The following CDH13 variants were observed in gnomAD, a reference collection of about 807,000 sequenced individuals.
CDH13 encodes cadherin-13.
A neutral mutation model predicts 63.8 loss-of-function variants in CDH13; 24 were observed. The ratio of observed to expected loss-of-function variants is 0.38; its 90% confidence interval spans 0.27 to 0.53. The LOEUF (loss-of-function observed/expected upper bound fraction) is 0.53. CDH13 is among the 20% of genes least tolerant of loss of function. The pLI is 0.85. For missense variants in CDH13, 1,049 were observed against 903.1 expected (o/e 1.16, Z -2.07); for synonymous variants, 503 against 355.3 (o/e 1.42, Z -4.67).
chr16:83,087,799 C>G (rs1329684977), intron 3 of CDH13, among the ~76,000 whole-genome samples: 3 of 151,324 alleles, frequency 2.0e-5, no homozygotes, highest in Admixed American at 1.3e-4. Flanking sequence ...ACACTTCAGT[C>G]CATTTATTAT....
intron 13 of CDH13, among the ~76,000 whole-genome samples, chr16:83,785,707 A>G (rs1319707535): frequency 6.6e-6 from 1 of 152,098 alleles, no homozygotes; most frequent in Non-Finnish European, 1.5e-5. Context: ...ATGGTGGTGG[A>G]TCTCAAGTCT....
chr16:82,635,366 G>A (rs550377233), intron 1 of CDH13, among the ~76,000 whole-genome samples: 1 of 152,350 alleles, frequency 6.6e-6, no homozygotes, highest in African/African-American at 2.4e-5. Flanking sequence ...GAGGGTGTGG[G>A]TGGGGAAAGG....
At chr16:82,779,503 A>T (rs1317978867) in intron 1 of CDH13, among the ~76,000 whole-genome samples, 1 of 152,184 alleles carries the variant, frequency 6.6e-6, no homozygotes, top group Admixed American at 6.5e-5. Flanking sequence ...GTTGTGCAAA[A>T]AAGAGGGTCT....
intron 6 of CDH13, among the ~76,000 whole-genome samples, chr16:83,469,971 T>A (rs12597141): frequency 0.47 from 71,527 of 152,092 alleles, 17,581 homozygotes; most frequent in East Asian, 0.83. Flanking sequence ...CACCTTTGTT[T>A]ATGCAGTTTT....
chr16:83,308,510 T>G (rs965256067), intron 5 of CDH13, among the ~76,000 whole-genome samples: 1 of 152,206 alleles, frequency 6.6e-6, no homozygotes, highest in African/African-American at 2.4e-5. Flanking sequence ...GAGTAGGAAT[T>G]TTTCAGTATA....
At chr16:83,764,943 A>T (rs1323942599) in intron 11 of CDH13, among the ~76,000 whole-genome samples, 1 of 152,164 alleles carries the variant, frequency 6.6e-6, no homozygotes, top group East Asian at 1.9e-4. Context: ...ACTTCTCACA[A>T]AATAGCCACA....
At chr16:83,786,546 T>G (rs2432564) in intron 13 of CDH13, among the ~76,000 whole-genome samples, 1 of 151,566 alleles carries the variant, frequency 6.6e-6, no homozygotes. Context: ...TTTTTTCTTC[T>G]TTCCTTTGTC....
At chr16:82,972,363 C>T (rs756824083) in intron 2 of CDH13, among the ~76,000 whole-genome samples, 1 of 152,154 alleles carries the variant, frequency 6.6e-6, no homozygotes, top group African/African-American at 2.4e-5. Flanking sequence ...GAAAACATTT[C>T]CTTTTGTTCA....
intron 3 of CDH13, among the ~76,000 whole-genome samples, chr16:83,036,733 G>T (rs1040087820): frequency 6.6e-6 from 1 of 152,066 alleles, no homozygotes. Context: ...CTTCTTCCCA[G>T]CCCTTTGGTT....
chr16:82,634,214 G>A (rs2150872307), intron 1 of CDH13, among the ~76,000 whole-genome samples: 1 of 152,360 alleles, frequency 6.6e-6, no homozygotes, highest in East Asian at 1.9e-4. Flanking sequence ...AGGAGCCTGG[G>A]GAATGGAAGG....
At chr16:82,849,191 C>T (rs1032356934) in intron 1 of CDH13, among the ~76,000 whole-genome samples, 9 of 152,112 alleles carry the variant, frequency 5.9e-5, no homozygotes, top group African/African-American at 2.2e-4. Flanking sequence ...AGTAAAGAAA[C>T]GATCCCTATA....
At chr16:82,770,967 G>C (rs2035240304) in intron 1 of CDH13, among the ~76,000 whole-genome samples, 1 of 152,172 alleles carries the variant, frequency 6.6e-6, no homozygotes, top group African/African-American at 2.4e-5. Context: ...CCCCCGCTTC[G>C]GCCTCCCAAA....
intron 1 of CDH13, among the ~76,000 whole-genome samples, chr16:82,668,154 G>A (rs1912824370): frequency 6.6e-6 from 1 of 152,126 alleles, no homozygotes; most frequent in African/African-American, 2.4e-5. Context: ...GCAGGAGGCA[G>A]CATACAGACC....
intron 4 of CDH13, among the ~76,000 whole-genome samples, chr16:83,146,280 A>C (rs1182766812): frequency 6.6e-6 from 1 of 152,074 alleles, no homozygotes; most frequent in Non-Finnish European, 1.5e-5. Flanking sequence ...AGGTGGAGGG[A>C]TAGCAACTGC....
At chr16:82,775,374 A>G (rs1158011715) in intron 1 of CDH13, among the ~76,000 whole-genome samples, 1 of 152,226 alleles carries the variant, frequency 6.6e-6, no homozygotes, top group Non-Finnish European at 1.5e-5. Context: ...TACCAGCTGT[A>G]TGTATGAGCA....
intron 5 of CDH13, among the ~76,000 whole-genome samples, chr16:83,336,028 TG>T (rs1401815282): frequency 6.6e-6 from 1 of 152,030 alleles, no homozygotes; most frequent in Admixed American, 6.6e-5. Context: ...GGGCCAGGCA[TG>T]GTAGCTCACA....
At chr16:83,010,158 A>AAAAAAAAAAAAAAC (rs1555561348) in intron 2 of CDH13, among the ~76,000 whole-genome samples, 3 of 136,728 alleles carry the variant, frequency 2.2e-5, no homozygotes, top group Admixed American at 7.2e-5. Context: ...AAAAAAAAAA[A>AAAAAAAAAAAAAAC]AAAACAAGAA....
chr16:83,504,770 C>G (rs2074359370), intron 7 of CDH13, among the ~76,000 whole-genome samples: 1 of 152,114 alleles, frequency 6.6e-6, no homozygotes, highest in Admixed American at 6.5e-5. Flanking sequence ...TGCTTGGTGA[C>G]AAGAGTAGTG....
chr16:83,664,403 T>G (rs1311337322), intron 8 of CDH13, among the ~76,000 whole-genome samples: 2 of 152,122 alleles, frequency 1.3e-5, no homozygotes, highest in African/African-American at 2.4e-5. Flanking sequence ...TAATCTGTTC[T>G]GAGACATCGG....
Sources: gnomAD v4.1 joint callset for allele counts (sites outside exome capture counted in the v4.1 genomes callset) on GRCh38, gnomAD v4.1.1 for gene constraint, MANE v1.5 for transcripts, NCBI Gene and HGNC (gene_info 2026-07-23, HGNC 2026-07-21) for gene names.